The following CMYA5 variants were observed in gnomAD, a reference collection of about 807,000 sequenced individuals.
CMYA5 encodes the protein cardiomyopathy-associated protein 5.
A neutral mutation model predicts 318.9 loss-of-function variants in CMYA5; 246 were observed. The observed-to-expected ratio is 0.77, with a 90% CI of 0.70 to 0.86. The LOEUF is 0.86. CMYA5 is among the 40% of genes least tolerant of loss of function. CMYA5 has a pLI of 0.00. For missense variants in CMYA5, 4,589 were observed against 4,678.2 expected, an observed-to-expected ratio of 0.98 and a Z score of 0.56; for synonymous variants, 1,641 against 1,729.5, an observed-to-expected ratio of 0.95 and a Z score of 1.27.
Position 79,730,733 on chromosome 5 carries a change from C to T in CMYA5, c.1968C>T (p.Ser656=), listed in dbSNP as rs967876785. The T allele has an allele frequency of 1.2e-6, 2 of 1,613,898 alleles. No individual in the cohort carries two copies. The highest frequency in any genetic ancestry group is 1.7e-6 in the Non-Finnish European group (2 of 1,179,850). Reference sequence around the variant, plus strand: ...CATCTGAGAGCTCTCTCTCACCATCCACAACTGAGAAGACTTCAGAGAACC... The same window carrying T: ...CATCTGAGAGCTCTCTCTCACCATCTACAACTGAGAAGACTTCAGAGAACC... ...APTSESSLSP[S]TTEKTSENQS... is the part of the protein sequence containing the mutation. The change falls in exon 2 of 13, where the codon TCC becomes TCT. Residue 656 remains serine, a synonymous_variant. Coordinates refer to ENST00000446378, the MANE Select transcript of CMYA5 (RefSeq NM_153610.5).
chr5:79,702,008 G>A lies in CMYA5; in HGVS notation c.149+11952G>A, dbSNP rs540717809. Among the ~76,000 whole-genome samples, 5 of 152,186 alleles carry A rather than the reference G, an allele frequency of 3.3e-5. No homozygotes were observed. The South Asian group carries it at 1.0e-3, about 32-fold the overall frequency. On this transcript the variant is annotated intron_variant, in intron 1 of 12. Transcript: ENST00000446378. ...GGGGCGTGGTGGCGGGCGCCTGTAG[G>A]CAGGAGAATGGCATGAACCCAGGAG...
At chr5:79,696,409 A>G (rs1214498752) in intron 1 of CMYA5, among the ~76,000 whole-genome samples, 2 of 152,226 alleles carry the variant, frequency 1.3e-5, no homozygotes, top group East Asian at 3.8e-4. Context: ...AATCTGATAA[A>G]GTCCAAGATA....
rs1162916672 is a variant in CMYA5, at chr5:79,731,873, C to A, written c.3108C>A (p.Ser1036=). The change falls in exon 2 of 13, where the codon TCC becomes TCA. Residue 1036 remains serine (S), a synonymous_variant. Coordinates refer to ENST00000446378, the MANE Select transcript of CMYA5 (RefSeq NM_153610.5). The part of the protein sequence containing the change: ...LLTAVSASGY[S]CFSEADEEDI... ...CTGCAGTGTCTGCTTCAGGTTATTC[C>A]TGCTTTTCAGAAGCAGATGAGGAAG... is the stretch of plus-strand genomic sequence containing the variant. 1 of 1,613,512 alleles carries A rather than the reference C, an allele frequency of 6.2e-7. No homozygotes were observed. The highest frequency in any genetic ancestry group is 1.1e-5 in the South Asian group (1 of 90,982).
chr5:79,745,405 G>T lies in CMYA5; in HGVS notation c.10918G>T (p.Glu3640Ter). The T allele has an allele frequency of 6.2e-7, 1 of 1,613,964 alleles. No homozygotes were observed. The highest frequency in any genetic ancestry group is 8.5e-7 in the Non-Finnish European group (1 of 1,179,866). The stretch of plus-strand genomic sequence containing the variant: ...CATGGACACTGCCAAAGACACCCTG[G>T]AGACCATCGTGAGAGAAGCAGAGGA... ...QSMDTAKDTL[E>*]TIVREAEELD... is the part of the protein sequence containing the mutation. The change falls in exon 4 of 13, where the codon GAG (glutamate) becomes TAG (stop). Residue 3640 changes from glutamate (E) to a stop codon, truncating the protein, a stop_gained. Transcript: ENST00000446378. LOFTEE classifies it high-confidence loss of function.
chr5:79,734,964 T>C lies in CMYA5; in HGVS notation c.6199T>C (p.Ser2067Pro). ...ACAGGTGAAGTCAGAAACAATCTCC[T>C]CTTCTGTCAAAACAGCCCATTTCCC... Reference protein sequence around the residue: ...VEQVKSETISSSVKTAHFPAE... With the variant: ...VEQVKSETISPSVKTAHFPAE... Residue 2067 changes from serine to proline, a missense_variant, in exon 2 of 13, where the codon TCT becomes CCT. Physicochemically the swap from Ser to Pro is moderately conservative, Grantham distance 74. Coordinates refer to ENST00000446378, the MANE Select transcript of CMYA5 (RefSeq NM_153610.5). 1 of 1,613,806 alleles carries C rather than the reference T, an allele frequency of 6.2e-7. No individual in the cohort carries two copies. Among genetic ancestry groups the C allele is most frequent in the Non-Finnish European group, 8.5e-7 (1 of 1,179,808 alleles).
intron 2 of CMYA5, 86 bp downstream of exon 2, chr5:79,739,489 T>C: frequency 9.8e-7 from 1 of 1,023,070 alleles, no homozygotes; most frequent in Non-Finnish European, 1.3e-6. Flanking sequence ...TAAAGATGAT[T>C]AATATTTGAT....
At chr5:79,724,266 G>A (rs1388399042) in intron 1 of CMYA5, among the ~76,000 whole-genome samples, 2 of 152,078 alleles carry the variant, frequency 1.3e-5, no homozygotes, top group Non-Finnish European at 2.9e-5. Context: ...GGAGGTTGCA[G>A]TGAGCCGAGA....
chr5:79,702,903 T>G (rs1270404602), intron 1 of CMYA5, among the ~76,000 whole-genome samples: 1 of 152,224 alleles, frequency 6.6e-6, no homozygotes, highest in Non-Finnish European at 1.5e-5. Flanking sequence ...GGACCCCTGC[T>G]ACTGCCAGAG....
At chr5:79,770,175 A>G (rs1323247031) in intron 9 of CMYA5, among the ~76,000 whole-genome samples, 1 of 152,110 alleles carries the variant, frequency 6.6e-6, no homozygotes, top group Non-Finnish European at 1.5e-5. Flanking sequence ...AGCATTCCAG[A>G]TTGACTTCAG....
At chr5:79,694,418 T>C (rs993286682) in intron 1 of CMYA5, among the ~76,000 whole-genome samples, 2 of 152,250 alleles carry the variant, frequency 1.3e-5, no homozygotes, top group Non-Finnish European at 2.9e-5. Flanking sequence ...TCTCTTGCTG[T>C]AGACCAGTGA....
intron 1 of CMYA5, among the ~76,000 whole-genome samples, chr5:79,695,271 A>G (rs1054778565): frequency 6.6e-6 from 1 of 152,234 alleles, no homozygotes; most frequent in Non-Finnish European, 1.5e-5. Flanking sequence ...TCCTATAGAA[A>G]TATAAGGTGA....
chr5:79,701,216 C>T (rs1336997801), intron 1 of CMYA5, among the ~76,000 whole-genome samples: 1 of 151,952 alleles, frequency 6.6e-6, no homozygotes, highest in Non-Finnish European at 1.5e-5. Flanking sequence ...CCACTGCACT[C>T]CAGAGCAAGA....
chr5:79,730,417 T>G lies in CMYA5; in HGVS notation c.1652T>G (p.Met551Arg). 6.2e-7 allele frequency: 1 copy of G among 1,613,896 alleles called. No homozygotes were observed. The highest frequency in any genetic ancestry group is 8.5e-7 in the Non-Finnish European group (1 of 1,179,878). The change falls in exon 2 of 13, where the codon ATG (methionine) becomes AGG (arginine). Residue 551 changes from methionine to arginine, a missense_variant. By Grantham distance (91) the Met-to-Arg change is moderately conservative (BLOSUM62 -1). Transcript: ENST00000446378. ...LVSEKPFPPH[M>R]SPEVEHKEEE... The stretch of plus-strand genomic sequence containing the variant: ...TCCGAGAAGCCCTTCCCACCACATA[T>G]GTCCCCTGAAGTGGAGCACAAAGAA...
At chr5:79,748,251 C>A (rs1828363996) in intron 5 of CMYA5, among the ~76,000 whole-genome samples, 1 of 152,080 alleles carries the variant, frequency 6.6e-6, no homozygotes. Flanking sequence ...GATTCTAATG[C>A]ACAGCCAGGG....
intron 6 of CMYA5, among the ~76,000 whole-genome samples, chr5:79,755,283 A>G (rs1828504919): frequency 6.6e-6 from 1 of 151,130 alleles, no homozygotes; most frequent in Non-Finnish European, 1.5e-5. Flanking sequence ...ATTTTTTGGT[A>G]TCATACCTTT....
Position 79,732,314 on chromosome 5 carries a change from A to G in CMYA5, c.3549A>G (p.Glu1183=). Residue 1183 remains glutamate, a synonymous_variant, in exon 2 of 13, where the codon GAA becomes GAG. Coordinates refer to ENST00000446378, the MANE Select transcript of CMYA5 (RefSeq NM_153610.5). ...ATTCAGTCCCTGCAATCAAGAAAGA[A>G]CAGGAACCCACAGCAGCACTCACTC... ...LPDSVPAIKK[E]QEPTAALTLK... 1 of 1,613,832 alleles carries G rather than the reference A, an allele frequency of 6.2e-7. No homozygotes were observed. The highest frequency in any genetic ancestry group is 8.5e-7 in the Non-Finnish European group (1 of 1,179,858).
At chr5:79,776,408 T>A (rs188715793) in intron 9 of CMYA5, among the ~76,000 whole-genome samples, 1 of 152,360 alleles carries the variant, frequency 6.6e-6, no homozygotes, top group East Asian at 1.9e-4. Context: ...TTAGTTAAGA[T>A]TTTATAAGTA....
At chr5:79,758,298 G>A (rs150321730) in intron 6 of CMYA5, among the ~76,000 whole-genome samples, 142 of 151,918 alleles carry the variant, frequency 9.3e-4, no homozygotes, top group African/African-American at 3.1e-3. Flanking sequence ...TTGGGAGGCC[G>A]AGGTGGGTGG....
At position 79,731,558 on chromosome 5, in the gene CMYA5, C is replaced by T; in HGVS notation, c.2793C>T (p.Pro931=). 1 of 1,609,406 alleles carries T rather than the reference C, an allele frequency of 6.2e-7. No individual in the cohort carries two copies. The highest frequency in any genetic ancestry group is 8.5e-7 in the Non-Finnish European group (1 of 1,177,772). The change falls in exon 2 of 13, where the codon CCC becomes CCT. Residue 931 remains proline, a synonymous_variant. Transcript: ENST00000446378. Reference sequence around the variant, plus strand: ...TAAATCTAAAAGGTGCATCCTCACCCATGAATTTATCAGAAGAAGATCAAG... The same window carrying T: ...TAAATCTAAAAGGTGCATCCTCACCTATGAATTTATCAGAAGAAGATCAAG... ...RSLNLKGASS[P]MNLSEEDQED...
Sources: gnomAD v4.1 joint callset for allele counts (sites outside exome capture counted in the v4.1 genomes callset) on GRCh38, gnomAD v4.1.1 for gene constraint, MANE v1.5 for transcripts, NCBI Gene and HGNC (gene_info 2026-07-23, HGNC 2026-07-21) for gene names.